The following ADGRL2 variants were observed in gnomAD, a reference collection of about 807,000 sequenced individuals.
ADGRL2 encodes the protein adhesion G protein-coupled receptor L2, also known as calcium-independent alpha-latrotoxin receptor 2.
A neutral mutation model predicts 157.4 loss-of-function variants in ADGRL2; 44 were observed. The observed-to-expected ratio is 0.28, with a 90% CI of 0.22 to 0.36. The LOEUF (loss-of-function observed/expected upper bound fraction) is 0.36, where lower values mean the gene tolerates loss of function less well. ADGRL2 is among the 10% of genes least tolerant of loss of function. The pLI, the probability that ADGRL2 is intolerant of heterozygous loss-of-function variation, is 1.00. For missense variants in ADGRL2, 1,510 were observed against 1,768.9 expected, an observed-to-expected ratio of 0.85 and a Z score of 2.63; for synonymous variants, 585 against 624.7, an observed-to-expected ratio of 0.94 and a Z score of 0.95.
At position 81,888,079 on chromosome 1, in the gene ADGRL2, G is replaced by T. The variant is rs189795217; in HGVS notation, c.74-18938G>T. 9.8e-5 allele frequency among the ~76,000 whole-genome samples: 15 copies of T among 152,306 alleles called. 1 individual carries two copies. The highest frequency in any genetic ancestry group is 8.5e-4 in the Admixed American group (13 of 15,304). ...GAAAGCTGTCAAACCCATTCAGCCT[G>T]CTAGGATTAGCTCTCCTTTTAGAAC... On this transcript the variant is annotated intron_variant, in intron 2 of 23. Coordinates refer to ENST00000686636, the MANE Select transcript of ADGRL2 (RefSeq NM_001366006.2).
At chr1:81,963,070 A>AT (rs1655951819) in intron 11 of ADGRL2, among the ~76,000 whole-genome samples, 1 of 151,328 alleles carries the variant, frequency 6.6e-6, no homozygotes, top group African/African-American at 2.4e-5. Context: ...GTAATTCTTC[A>AT]TTTTTTTCTT....
At chr1:81,756,285 A>T (rs2085686656) in intron 1 of ADGRL2, among the ~76,000 whole-genome samples, 1 of 151,856 alleles carries the variant, frequency 6.6e-6, no homozygotes, top group Admixed American at 6.6e-5. Context: ...TATTTCTTGC[A>T]CTTAGGACAA....
At chr1:81,848,517 G>T (rs191640149) in intron 2 of ADGRL2, among the ~76,000 whole-genome samples, 19 of 151,878 alleles carry the variant, frequency 1.3e-4, no homozygotes, top group African/African-American at 4.3e-4. Context: ...TATCTCAGCA[G>T]GCTGTTACTC....
chr1:81,706,571 A>C (rs1037688107), intron 1 of ADGRL2, among the ~76,000 whole-genome samples: 4 of 152,244 alleles, frequency 2.6e-5, no homozygotes, highest in Admixed American at 2.6e-4. Context: ...TCCTCTGCAG[A>C]CAAGACCCAA....
intron 1 of ADGRL2, among the ~76,000 whole-genome samples, chr1:81,342,835 G>A (rs901621129): frequency 2.0e-5 from 3 of 151,986 alleles, no homozygotes; most frequent in Non-Finnish European, 4.4e-5. Context: ...ATAGGTTGGG[G>A]AATTTAGATT....
rs550264704 is a variant in ADGRL2, at chr1:81,455,462, A to G, written c.-248+10373A>G. The stretch of plus-strand genomic sequence containing the variant: ...CAACCGTGAAAATTTTCCTTCTCAT[A>G]AGAATAAAACGTACCAATGCACAGA... On this transcript the variant is annotated intron_variant, in intron 2 of 24. Coordinates refer to the ADGRL2 transcript ENST00000370721. Among the ~76,000 whole-genome samples the G allele has an allele frequency of 8.5e-5, 13 of 152,272 alleles. No individual in the cohort carries two copies. The South Asian group carries it at 2.7e-3, about 32-fold the overall frequency.
At chr1:81,574,422 T>A (rs1285769305) in intron 2 of ADGRL2, among the ~76,000 whole-genome samples, 3 of 152,170 alleles carry the variant, frequency 2.0e-5, no homozygotes, top group African/African-American at 7.2e-5. Flanking sequence ...TAATTGGGCA[T>A]CATGGATTAA....
intron 18 of ADGRL2, 137 bp downstream of exon 18, chr1:81,980,097 C>CT: frequency 1.7e-6 from 1 of 583,724 alleles, no homozygotes; most frequent in Non-Finnish European, 3.1e-6. Flanking sequence ...CAAGTTGAAT[C>CT]TCAGTGTTAC....
At chr1:81,354,030 T>C (rs1280307385) in intron 1 of ADGRL2, among the ~76,000 whole-genome samples, 2 of 151,620 alleles carry the variant, frequency 1.3e-5, no homozygotes, top group African/African-American at 4.9e-5. Context: ...AAAGGGAGAG[T>C]AACAGCACCA....
intron 11 of ADGRL2, among the ~76,000 whole-genome samples, chr1:81,964,365 T>C (rs1012521828): frequency 6.6e-6 from 1 of 152,058 alleles, no homozygotes; most frequent in African/African-American, 2.4e-5. Context: ...TTAATTAAAC[T>C]TCTTTCCCTC....
chr1:81,531,500 G>A (rs1283829061), intron 2 of ADGRL2, among the ~76,000 whole-genome samples: 2 of 152,154 alleles, frequency 1.3e-5, no homozygotes, highest in African/African-American at 2.4e-5. Context: ...TAATTAGGGT[G>A]CTGAATAAAT....
At chr1:81,989,389 A>G (rs1485177861) in intron 23 of ADGRL2, among the ~76,000 whole-genome samples, 11 of 151,936 alleles carry the variant, frequency 7.2e-5, no homozygotes, top group Non-Finnish European at 1.2e-4. Context: ...TGTACAGTGG[A>G]CTCTGCTGGT....
intron 3 of ADGRL2, among the ~76,000 whole-genome samples, chr1:81,907,470 T>G (rs1243276795): frequency 6.6e-6 from 1 of 152,218 alleles, no homozygotes; most frequent in Non-Finnish European, 1.5e-5. Flanking sequence ...CTTTTTGTGT[T>G]ATATAAACAT....
Position 81,971,845 on chromosome 1 carries a change from A to T in ADGRL2, c.2955-7A>T. On this transcript the variant is annotated splice_region_variant and splice_polypyrimidine_tract_variant and intron_variant, in intron 16 of 23. Coordinates refer to ENST00000686636, the MANE Select transcript of ADGRL2 (RefSeq NM_001366006.2). ...TACTAATGCATATTCTTCTCTTTTC[A>T]TAATAGTTGCTGGCTTCATGTTGAT... 1 of 1,570,580 alleles carries T rather than the reference A, an allele frequency of 6.4e-7. No homozygotes were observed. The highest frequency in any genetic ancestry group is 8.8e-7 in the Non-Finnish European group (1 of 1,141,984).
chr1:81,930,168 C>T (rs1304951063), intron 3 of ADGRL2, among the ~76,000 whole-genome samples: 1 of 152,062 alleles, frequency 6.6e-6, no homozygotes, highest in Non-Finnish European at 1.5e-5. Flanking sequence ...GTAATGTGTG[C>T]ATTGTGCTCT....
At chr1:81,887,070 G>T (rs1042032022) in intron 2 of ADGRL2, among the ~76,000 whole-genome samples, 1 of 152,226 alleles carries the variant, frequency 6.6e-6, no homozygotes, top group African/African-American at 2.4e-5. Flanking sequence ...TTTGTTGTAT[G>T]TTTAATATGG....
intron 1 of ADGRL2, among the ~76,000 whole-genome samples, chr1:81,748,963 C>T (rs1046543538): frequency 1.9e-4 from 29 of 152,152 alleles, no homozygotes; most frequent in Admixed American, 3.3e-4. Flanking sequence ...CCACTGTGCC[C>T]GGCCTCATTC....
At chr1:81,373,137 G>A (rs966143179) in intron 1 of ADGRL2, among the ~76,000 whole-genome samples, 5 of 152,094 alleles carry the variant, frequency 3.3e-5, no homozygotes, top group African/African-American at 9.7e-5. Context: ...TATCTAGTTG[G>A]TGGCAATTCA....
At chr1:81,741,320 AC>A (rs1403259151) in intron 1 of ADGRL2, among the ~76,000 whole-genome samples, 1 of 151,968 alleles carries the variant, frequency 6.6e-6, no homozygotes, top group Non-Finnish European at 1.5e-5. Flanking sequence ...TTTTTAGAAA[AC>A]CTACTGGGCA....
Sources: allele counts gnomAD v4.1 joint callset (sites outside exome capture counted in the v4.1 genomes callset), GRCh38; gene constraint gnomAD v4.1.1; transcripts MANE v1.5; gene names NCBI Gene and HGNC (gene_info 2026-07-23, HGNC 2026-07-21).